FAM184B: variants seen among roughly 807,000 people sequenced by gnomAD.
FAM184B encodes protein FAM184B.
A neutral mutation model predicts 135.9 loss-of-function variants in FAM184B; 111 were observed. That is an observed-to-expected ratio of 0.82 (90% confidence interval 0.70 to 0.96). FAM184B has a LOEUF of 0.96. FAM184B is among the 40% of genes least tolerant of loss of function. The probability of loss-of-function intolerance (pLI) is 0.00; values close to 1 mark genes in which losing one functional copy is unlikely to be tolerated. For synonymous variants in FAM184B, 552 were observed against 524.8 expected, an observed-to-expected ratio of 1.05 and a Z score of -0.71; for missense variants, 1,375 against 1,323.9, an observed-to-expected ratio of 1.04 and a Z score of -0.60.
At chr4:17,696,834 A>AATGAATG (rs56155024) in intron 5 of FAM184B, among the ~76,000 whole-genome samples, 1,634 of 146,424 alleles carry the variant, frequency 0.011, 19 homozygotes, top group African/African-American at 0.022. Flanking sequence ...ATGAATGAAT[A>AATGAATG]AATAAATAAA....
At chr4:17,671,917 G>A (rs1716177070) in intron 7 of FAM184B, among the ~76,000 whole-genome samples, 1 of 149,788 alleles carries the variant, frequency 6.7e-6, no homozygotes, top group Admixed American at 6.8e-5. Context: ...TGAACTCAAA[G>A]ACAGGTCACT....
chr4:17,641,832 C>T lies in FAM184B; in HGVS notation c.2519+224G>A, dbSNP rs59484382. Among the ~76,000 whole-genome samples, 487 of 151,924 alleles carry T rather than the reference C, an allele frequency of 3.2e-3. 4 individuals carry two copies. The highest frequency in any genetic ancestry group is 0.011 in the African/African-American group (458 of 41,438). On this transcript the variant is annotated intron_variant, in intron 13 of 17. Transcript: ENST00000265018. Reference sequence around the variant, plus strand: ...CTTTTATTTCAAGGCACTTCCTCTGCGGTTTTGAGATCCAGAATTTCTGGA... The same window carrying T: ...CTTTTATTTCAAGGCACTTCCTCTGTGGTTTTGAGATCCAGAATTTCTGGA...
intron 1 of FAM184B, among the ~76,000 whole-genome samples, chr4:17,728,508 T>C (rs1209231392): frequency 6.6e-6 from 1 of 152,036 alleles, no homozygotes; most frequent in African/African-American, 2.4e-5. Flanking sequence ...CAAGAACAAA[T>C]CCTAGGAGAG....
At chr4:17,773,309 A>G (rs1718858693) in intron 1 of FAM184B, among the ~76,000 whole-genome samples, 1 of 152,242 alleles carries the variant, frequency 6.6e-6, no homozygotes, top group Non-Finnish European at 1.5e-5. Context: ...CCTAACATGG[A>G]GAAACTGCAA....
rs71167333 is a variant in FAM184B at position 17,747,920 on chromosome 4, CAAAAAAAAA to C, written c.141+33230_141+33238del. On this transcript the variant is annotated intron_variant, in intron 1 of 17. Coordinates refer to ENST00000265018, the MANE Select transcript of FAM184B (RefSeq NM_015688.2). ...TGGGCGACAGAGCGAGACTCTGTCT[CAAAAAAAAA>C]AAAAAAAAAAAAAAAAAAATTCAAA... Among the ~76,000 whole-genome samples, 26 of 21,708 alleles carry C rather than the reference CAAAAAAAAA, an allele frequency of 1.2e-3. 1 individual carries two copies. The South Asian group carries it at 0.036, about 30-fold the overall frequency. The allele number at this position is 21,708 out of a possible 152,430, so 14.2% of individuals were successfully genotyped here. A position where few individuals can be genotyped will look rare whatever the true frequency, so the allele number is the denominator to read the frequency against.
In FAM184B at chr4:17,763,502, G is replaced by C. The variant is rs183536857; in HGVS notation, c.141+17657C>G. ...ACCAGATAATTTGATAGGCTTCCTTGGGACAAATAGGCCCCGCTCCAGGGG... is the reference window on the plus strand; with the variant it reads ...ACCAGATAATTTGATAGGCTTCCTTCGGACAAATAGGCCCCGCTCCAGGGG... On this transcript the variant is annotated intron_variant, in intron 1 of 17. Transcript: ENST00000265018. Among the ~76,000 whole-genome samples the C allele has an allele frequency of 5.6e-4, 85 of 152,182 alleles. No individual in the cohort carries two copies. In the East Asian group the frequency reaches 0.015, roughly 27 times the overall value.
chr4:17,632,759 T>TAGTAGTGGGAAACAAATTGTAA (rs1287570758), intron 17 of FAM184B, 134 bp from the exon 18 acceptor site: 1 of 597,764 alleles, frequency 1.7e-6, no homozygotes, highest in East Asian at 3.0e-5. Flanking sequence ...TGGCCAACAT[T>TAGTAGTGGGAAACAAATTGTAA]AGTAGTGGGA....
intron 12 of FAM184B, 151 bp downstream of exon 12, chr4:17,647,486 G>T: frequency 1.1e-6 from 1 of 921,026 alleles, no homozygotes; most frequent in Non-Finnish European, 1.6e-6. Context: ...CTGGCCTCAA[G>T]TGGTTCTCTG....
At chr4:17,741,566 T>G (rs1006859087) in intron 1 of FAM184B, among the ~76,000 whole-genome samples, 1 of 152,084 alleles carries the variant, frequency 6.6e-6, no homozygotes, top group Non-Finnish European at 1.5e-5. Context: ...TGGTGGCGCA[T>G]GCCTGTAATC....
At chr4:17,744,775 A>C (rs912771884) in intron 1 of FAM184B, among the ~76,000 whole-genome samples, 3 of 152,066 alleles carry the variant, frequency 2.0e-5, no homozygotes, top group Admixed American at 6.6e-5. Flanking sequence ...TCCTGCTATC[A>C]CAGTTTTGCT....
chr4:17,739,720 A>G (rs1434934847), intron 1 of FAM184B, among the ~76,000 whole-genome samples: 15 of 151,200 alleles, frequency 9.9e-5, no homozygotes, highest in Admixed American at 9.2e-4. Context: ...ATGTTCAACT[A>G]ATTTTTGTAT....
At position 17,762,020 on chromosome 4, in the gene FAM184B, T is replaced by TTTTG. The variant is rs1243091981; in HGVS notation, c.141+19135_141+19138dup. 1.8e-3 allele frequency among the ~76,000 whole-genome samples: 257 copies of TTTTG among 143,558 alleles called. 1 individual carries two copies. The highest frequency in any genetic ancestry group is 7.3e-3 in the African/African-American group (245 of 33,500). The allele number at this position is 143,558 out of a possible 152,430, so 94.2% of individuals were successfully genotyped here. ...GGCTAGCAATCCCCAGGGCTCTTCA[T>TTTTG]TTTGTTTTGTTTTGTTTTGTTTTGA... On this transcript the variant is annotated intron_variant, in intron 1 of 17. Transcript: ENST00000265018.
In FAM184B at chr4:17,652,817, A is replaced by C. The variant is rs1054625223; in HGVS notation, c.2191+13T>G. 47 of 1,548,702 alleles carry C rather than the reference A, an allele frequency of 3.0e-5. No individual in the cohort carries two copies. The highest frequency in any genetic ancestry group is 3.9e-5 in the Admixed American group (2 of 50,944). ...TTGGCCAGGCCCTCCTCAGTACACT[A>C]TTGGGTGTATACCTAGCAGCAGGGC... On this transcript the variant is annotated intron_variant, in intron 11 of 17. Transcript: ENST00000265018.
chr4:17,650,184 C>T (rs1254524161), intron 11 of FAM184B, among the ~76,000 whole-genome samples: 1 of 151,522 alleles, frequency 6.6e-6, no homozygotes, highest in Non-Finnish European at 1.5e-5. Flanking sequence ...ATCCACTTGT[C>T]CATCCATCCA....
intron 5 of FAM184B, among the ~76,000 whole-genome samples, chr4:17,703,800 A>G (rs1159995040): frequency 6.6e-6 from 1 of 151,878 alleles, no homozygotes; most frequent in African/African-American, 2.4e-5. Context: ...GTGTGGTGGC[A>G]CATGCCTGTG....
At position 17,629,562 on chromosome 4, in the gene FAM184B, C is replaced by T. The variant is rs1714864801; in HGVS notation, c.*2970G>A. The T allele has an allele frequency of 6.6e-6, 1 of 152,184 alleles. No individual in the cohort carries two copies. The highest frequency in any genetic ancestry group is 2.4e-5 in the African/African-American group (1 of 41,442). The allele number at this position is 152,184 out of a possible 1,614,324, so 9.4% of individuals were successfully genotyped here. On this transcript the variant is annotated 3_prime_UTR_variant, in exon 18 of 18. Transcript: ENST00000265018. ...CATGTGGAACAGATAGTATTCCTTT[C>T]AGTTTTGCTGCAGGAACATATTAAC... is the stretch of plus-strand genomic sequence containing the variant.
chr4:17,735,172 G>A (rs547946153), intron 1 of FAM184B, among the ~76,000 whole-genome samples: 2 of 148,488 alleles, frequency 1.3e-5, no homozygotes, highest in African/African-American at 5.0e-5. Flanking sequence ...CACACTCCGG[G>A]TCCTGTTGTG....
At chr4:17,649,660 T>TAAAA (rs377422228) in intron 11 of FAM184B, among the ~76,000 whole-genome samples, 15 of 151,370 alleles carry the variant, frequency 9.9e-5, no homozygotes, top group African/African-American at 3.7e-4. Flanking sequence ...CTTATTTTCT[T>TAAAA]AAAAAAAAAT....
Position 17,634,920 on chromosome 4 carries a change from A to G in FAM184B, c.2889+89T>C, listed in dbSNP as rs556556250. 96 of 840,128 alleles carry G rather than the reference A, an allele frequency of 1.1e-4. No individual in the cohort carries two copies. The African/African-American group carries it at 1.4e-3, about 12-fold the overall frequency. 52.0% of individuals were successfully genotyped at this position (840,128 alleles called of 1,614,324 possible). On this transcript the variant is annotated intron_variant, in intron 16 of 17. Transcript: ENST00000265018. The stretch of plus-strand genomic sequence containing the variant: ...CCAATGAATATTTTTCTGAGCGTAC[A>G]CCAGCCCTTAAATAACCTGTGGTTA...
Sources: allele counts gnomAD v4.1 joint callset (sites outside exome capture counted in the v4.1 genomes callset), GRCh38; gene constraint gnomAD v4.1.1; transcripts MANE v1.5; gene names NCBI Gene and HGNC (gene_info 2026-07-23, HGNC 2026-07-21).